SPATS2L: variants seen among roughly 807,000 people sequenced by gnomAD.
SPATS2L encodes the protein spermatogenesis associated serine rich 2 like, also known as SPATS2-like protein.
In SPATS2L, 30 loss-of-function variants were observed where a neutral mutation model predicts 59.6. That is an observed-to-expected ratio of 0.50 (90% CI 0.38 to 0.68). SPATS2L has a LOEUF of 0.68. Among genes scored for constraint, SPATS2L ranks in the 30% least tolerant of loss-of-function variants. SPATS2L has a pLI of 0.00. For missense variants in SPATS2L, 615 were observed against 700.0 expected (o/e 0.88, Z 1.37); for synonymous variants, 252 against 263.5 (o/e 0.96, Z 0.42).
intron 6 of SPATS2L, among the ~76,000 whole-genome samples, chr2:200,436,307 A>G (rs2084288730): frequency 6.6e-6 from 1 of 152,200 alleles, no homozygotes; most frequent in African/African-American, 2.4e-5. Flanking sequence ...ACAGATCTAT[A>G]CTAAAGTAAC....
At chr2:200,342,714 T>C (rs1320432481) in intron 2 of SPATS2L, among the ~76,000 whole-genome samples, 3 of 152,212 alleles carry the variant, frequency 2.0e-5, no homozygotes, top group African/African-American at 7.2e-5. Flanking sequence ...GTCACCCTGT[T>C]TGGGGGCTTT....
At chr2:200,357,995 A>G (rs1303803029) in intron 2 of SPATS2L, among the ~76,000 whole-genome samples, 1 of 152,150 alleles carries the variant, frequency 6.6e-6, no homozygotes, top group East Asian at 1.9e-4. Context: ...GATGTTAAGC[A>G]GCTACTGTTC....
intron 2 of SPATS2L, among the ~76,000 whole-genome samples, chr2:200,349,203 C>CAGACGGAAA (rs2080627635): frequency 6.6e-6 from 1 of 152,200 alleles, no homozygotes; most frequent in Admixed American, 6.5e-5. Flanking sequence ...ACCAGCATTC[C>CAGACGGAAA]GTCTGTCACT....
At chr2:200,370,477 C>G (rs1321309027) in intron 2 of SPATS2L, among the ~76,000 whole-genome samples, 1 of 152,014 alleles carries the variant, frequency 6.6e-6, no homozygotes, top group Non-Finnish European at 1.5e-5. Context: ...CAGAGAGTGC[C>G]AAAGAATGGG....
chr2:200,382,987 C>A (rs2081874438), intron 2 of SPATS2L, among the ~76,000 whole-genome samples: 1 of 152,182 alleles, frequency 6.6e-6, no homozygotes, highest in Admixed American at 6.5e-5. Flanking sequence ...GAGGCTCTTT[C>A]TTTATGTTCC....
intron 1 of SPATS2L, among the ~76,000 whole-genome samples, chr2:200,309,496 C>T (rs1006069886): frequency 6.6e-6 from 1 of 152,186 alleles, no homozygotes; most frequent in African/African-American, 2.4e-5. Context: ...TGTCATTTGA[C>T]TGTGATAATT....
chr2:200,386,461 G>C (rs1574348630), intron 2 of SPATS2L, among the ~76,000 whole-genome samples: 3 of 152,320 alleles, frequency 2.0e-5, no homozygotes, highest in East Asian at 3.9e-4. Context: ...ATGTGAGCGT[G>C]TGTGCGTGTA....
intron 3 of SPATS2L, among the ~76,000 whole-genome samples, chr2:200,394,077 G>T (rs1019152584): frequency 2.0e-5 from 3 of 152,172 alleles, no homozygotes; most frequent in Admixed American, 6.5e-5. Context: ...ACTTAAAATT[G>T]ACAATCATTT....
chr2:200,413,238 AAT>A (rs2082945873), intron 4 of SPATS2L, among the ~76,000 whole-genome samples: 4 of 152,150 alleles, frequency 2.6e-5, no homozygotes, highest in Non-Finnish European at 5.9e-5. Context: ...TTTATTCTTT[AAT>A]ATCTTTAGTT....
chr2:200,353,018 T>C (rs1298071739), intron 2 of SPATS2L, among the ~76,000 whole-genome samples: 1 of 152,188 alleles, frequency 6.6e-6, no homozygotes, highest in Non-Finnish European at 1.5e-5. Flanking sequence ...GGCATGTACT[T>C]TCTTTAAAAG....
At chr2:200,354,232 A>G (rs532804668) in intron 2 of SPATS2L, among the ~76,000 whole-genome samples, 9 of 152,320 alleles carry the variant, frequency 5.9e-5, no homozygotes, top group African/African-American at 1.9e-4. Context: ...CCTCGCTCTC[A>G]TACAATGAGA....
intron 2 of SPATS2L, among the ~76,000 whole-genome samples, chr2:200,332,535 C>CCAGG (rs2079980557): frequency 6.6e-6 from 1 of 152,078 alleles, no homozygotes; most frequent in Admixed American, 6.6e-5. Context: ...GTGTGAGCCA[C>CCAGG]CATGCCTGGC....
chr2:200,428,809 C>T (rs1327821128), intron 6 of SPATS2L, among the ~76,000 whole-genome samples: 2 of 152,144 alleles, frequency 1.3e-5, no homozygotes, highest in Non-Finnish European at 2.9e-5. Context: ...TTTCTCACTC[C>T]CCATTTCCAG....
At position 200,481,610 on chromosome 2, in the gene SPATS2L, T is replaced by C. The variant is rs1298979330; in HGVS notation, c.*3579T>C. 1.3e-5 allele frequency: 2 copies of C among 152,260 alleles called. No individual in the cohort carries two copies. The highest frequency in any genetic ancestry group is 2.9e-5 in the Non-Finnish European group (2 of 68,038). The allele number at this position is 152,260 out of a possible 1,614,324, so 9.4% of individuals were successfully genotyped here. ...TAAAGCGCCCTCATGTGTCTACAGA[T>C]GGTAAAACGTTTATTTCTCAACAGA... On this transcript the variant is annotated 3_prime_UTR_variant, in exon 13 of 13. Coordinates refer to ENST00000409140, the MANE Select transcript of SPATS2L (RefSeq NM_001100423.2).
intron 2 of SPATS2L, among the ~76,000 whole-genome samples, chr2:200,382,860 A>G (rs1169439139): frequency 2.0e-5 from 3 of 152,204 alleles, no homozygotes; most frequent in African/African-American, 7.2e-5. Flanking sequence ...TATTAATAAT[A>G]TATTTTTGAA....
chr2:200,458,370 T>C (rs1459856515), intron 8 of SPATS2L, among the ~76,000 whole-genome samples: 2 of 150,276 alleles, frequency 1.3e-5, no homozygotes, highest in African/African-American at 4.9e-5. Flanking sequence ...TTCAGTCTCA[T>C]TTTTTTTCAG....
chr2:200,395,040 G>C (rs1156643259), intron 3 of SPATS2L, among the ~76,000 whole-genome samples: 2 of 152,140 alleles, frequency 1.3e-5, no homozygotes, highest in African/African-American at 4.8e-5. Context: ...TTTTTTAATA[G>C]CTTCTTTTCT....
intron 2 of SPATS2L, among the ~76,000 whole-genome samples, chr2:200,366,043 T>G (rs1310829330): frequency 6.6e-6 from 1 of 152,336 alleles, no homozygotes; most frequent in East Asian, 1.9e-4. Flanking sequence ...AAGTTCCTTC[T>G]GTCCATACAG....
intron 2 of SPATS2L, among the ~76,000 whole-genome samples, chr2:200,333,467 C>A (rs767393697): frequency 6.6e-6 from 1 of 151,052 alleles, no homozygotes; most frequent in African/African-American, 2.4e-5. Context: ...GTTTGGGGTA[C>A]AAGGGTTTTT....
Sources: gnomAD v4.1 joint callset for allele counts (sites outside exome capture counted in the v4.1 genomes callset) on GRCh38, gnomAD v4.1.1 for gene constraint, MANE v1.5 for transcripts, NCBI Gene and HGNC (gene_info 2026-07-23, HGNC 2026-07-21) for gene names.